The following CNTNAP5 variants were observed in gnomAD, a reference collection of about 807,000 sequenced individuals.
The protein encoded by CNTNAP5 is contactin-associated protein-like 5.
CNTNAP5 carries 72 observed loss-of-function variants against 150.2 expected under a neutral mutation model. That is an observed-to-expected ratio of 0.48 (90% CI 0.40 to 0.58). CNTNAP5 has a LOEUF of 0.58. Among genes scored for constraint, CNTNAP5 ranks in the 20% least tolerant of loss-of-function variants. The pLI, the probability that CNTNAP5 is intolerant of heterozygous loss-of-function variation, is 0.00. For missense variants in CNTNAP5, 1,636 were observed against 1,626.2 expected (o/e 1.01, Z -0.10); for synonymous variants, 672 against 619.8 (o/e 1.08, Z -1.25).
At chr2:124,647,652 A>C in intron 12 of CNTNAP5, 106 bp from the exon 13 acceptor site, 1 of 969,758 alleles carries the variant, frequency 1.0e-6, no homozygotes, top group Non-Finnish European at 1.5e-6. Context: ...ACGGTACCGG[A>C]GTGTTGATTA....
rs1172484897 is a variant in CNTNAP5 at position 124,524,360 on chromosome 2, G to A, written c.1385G>A (p.Arg462His). Residue 462 changes from arginine (R) to histidine (H), a missense_variant, in exon 9 of 24, where the codon CGC becomes CAC. Physicochemically the swap from Arg to His is conservative, Grantham distance 29. Coordinates refer to ENST00000682447, the MANE Select transcript of CNTNAP5 (RefSeq NM_001367498.1). ...HSVSINARRN[R>H]ITLTLDDEAA... ...GTTAGCATCAACGCCAGGAGGAACC[G>A]CATCACGCTCACTCTGGATGATGAA... is the stretch of plus-strand genomic sequence containing the variant. 4 of 1,613,756 alleles carry A rather than the reference G, an allele frequency of 2.5e-6. No homozygotes were observed. The highest frequency in any genetic ancestry group is 4.5e-5 in the East Asian group (2 of 44,832).
chr2:124,699,810 C>A (rs116417831), intron 13 of CNTNAP5, among the ~76,000 whole-genome samples: 1 of 122,476 alleles, frequency 8.2e-6, no homozygotes, highest in Non-Finnish European at 2.1e-5. Flanking sequence ...CTTTCTTTCT[C>A]TTTCTTTCTT....
At chr2:124,042,491 A>G (rs1348133777) in intron 1 of CNTNAP5, among the ~76,000 whole-genome samples, 2 of 152,150 alleles carry the variant, frequency 1.3e-5, no homozygotes, top group Non-Finnish European at 2.9e-5. Context: ...CAAGGATAAC[A>G]TGGAGGACAT....
At chr2:124,517,503 G>A (rs569887322) in intron 8 of CNTNAP5, among the ~76,000 whole-genome samples, 46 of 150,998 alleles carry the variant, frequency 3.0e-4, no homozygotes, top group African/African-American at 1.0e-3. Flanking sequence ...ATGGAGAGTT[G>A]TGGTTTTGAT....
chr2:124,458,886 T>C (rs185659905), intron 6 of CNTNAP5, among the ~76,000 whole-genome samples: 6 of 152,306 alleles, frequency 3.9e-5, no homozygotes, highest in Non-Finnish European at 5.9e-5. Context: ...TTTCAACTTA[T>C]ATTGTAAAGA....
chr2:124,288,378 A>T (rs1280181313), intron 3 of CNTNAP5, among the ~76,000 whole-genome samples: 3 of 152,190 alleles, frequency 2.0e-5, no homozygotes, highest in Non-Finnish European at 2.9e-5. Flanking sequence ...TAGTCAACAG[A>T]TTTTTATTGA....
chr2:124,611,899 A>G (rs974421830), intron 12 of CNTNAP5, among the ~76,000 whole-genome samples: 2 of 152,212 alleles, frequency 1.3e-5, no homozygotes, highest in African/African-American at 4.8e-5. Flanking sequence ...TCATCCTCAC[A>G]ACAAAAATCA....
rs115964226 is a variant in CNTNAP5 at position 124,441,387 on chromosome 2, A to G, written c.734-5366A>G. The stretch of plus-strand genomic sequence containing the variant: ...ACCCTAAAACACACAGAAAAGAAAA[A>G]AAAAATGATTATGATAAATGCATTC... On this transcript the variant is annotated intron_variant, in intron 5 of 23. Transcript: ENST00000682447. Among the ~76,000 whole-genome samples, 575 of 152,098 alleles carry G rather than the reference A, an allele frequency of 3.8e-3. 2 individuals are homozygous for G. The highest frequency in any genetic ancestry group is 0.013 in the African/African-American group (546 of 41,510).
chr2:124,688,400 C>G (rs1244315154), intron 13 of CNTNAP5, among the ~76,000 whole-genome samples: 1 of 151,928 alleles, frequency 6.6e-6, no homozygotes, highest in Non-Finnish European at 1.5e-5. Flanking sequence ...TAAATCGCTA[C>G]CACTTGAGGT....
At chr2:124,185,108 C>A (rs1465650080) in intron 1 of CNTNAP5, among the ~76,000 whole-genome samples, 1 of 152,194 alleles carries the variant, frequency 6.6e-6, no homozygotes, top group Non-Finnish European at 1.5e-5. Flanking sequence ...ATAAGGATAT[C>A]TGCACATATA....
At chr2:124,900,952 AG>A (rs1280132607) in intron 21 of CNTNAP5, among the ~76,000 whole-genome samples, 2 of 151,740 alleles carry the variant, frequency 1.3e-5, no homozygotes, top group Admixed American at 1.3e-4. Flanking sequence ...AGTCCATTAA[AG>A]TTTTTTGTGA....
chr2:124,060,794 G>A (rs1681989986), intron 1 of CNTNAP5, among the ~76,000 whole-genome samples: 2 of 152,188 alleles, frequency 1.3e-5, no homozygotes, highest in South Asian at 4.1e-4. Context: ...CAGGATGTCT[G>A]TCAGTCTCTC....
chr2:124,305,489 A>C (rs1688665155), intron 3 of CNTNAP5, among the ~76,000 whole-genome samples: 2 of 152,182 alleles, frequency 1.3e-5, no homozygotes, highest in African/African-American at 4.8e-5. Context: ...TATTTTGCTT[A>C]GTTATGTCAT....
chr2:124,819,524 A>G (rs1682440200), intron 19 of CNTNAP5, among the ~76,000 whole-genome samples: 1 of 152,144 alleles, frequency 6.6e-6, no homozygotes, highest in South Asian at 2.1e-4. Context: ...TGATGCTGTT[A>G]ATGGAGCACC....
chr2:124,706,795 A>G (rs867308422), intron 13 of CNTNAP5, among the ~76,000 whole-genome samples: 1,014 of 18,746 alleles, frequency 0.054, 68 homozygotes, highest in Non-Finnish European at 0.077. Flanking sequence ...GAAGAAGAAG[A>G]AGGAGGAGGA....
intron 17 of CNTNAP5, among the ~76,000 whole-genome samples, chr2:124,780,978 T>A (rs1044282742): frequency 6.6e-6 from 1 of 152,236 alleles, no homozygotes; most frequent in African/African-American, 2.4e-5. Context: ...CTTTTCCTAC[T>A]ATCTCACCCA....
rs1573878128 is a variant in CNTNAP5 at position 124,266,606 on chromosome 2, CAGG to C, written c.381+24219_381+24221del. ...GTTGTAACCCTCTCAGCCTCCCATG[CAGG>C]AGGAGTATTTTTCCTGATGCTTTCT... is the stretch of plus-strand genomic sequence containing the variant. On this transcript the variant is annotated intron_variant, in intron 3 of 23. Coordinates refer to ENST00000682447, the MANE Select transcript of CNTNAP5 (RefSeq NM_001367498.1). 5.3e-5 allele frequency among the ~76,000 whole-genome samples: 8 copies of C among 152,298 alleles called. 2 individuals carry two copies.
chr2:124,706,863 A>AG (rs1679665011), intron 13 of CNTNAP5, among the ~76,000 whole-genome samples: 2 of 126,846 alleles, frequency 1.6e-5, no homozygotes, highest in African/African-American at 6.3e-5. Flanking sequence ...GAGGAGAAGG[A>AG]GAAGGGGAAA....
chr2:124,658,039 A>G (rs1260436818), intron 13 of CNTNAP5, among the ~76,000 whole-genome samples: 1 of 152,120 alleles, frequency 6.6e-6, no homozygotes, highest in Non-Finnish European at 1.5e-5. Flanking sequence ...TTTATTCCCA[A>G]AATGCTTAGA....
Sources: gnomAD v4.1 joint callset for allele counts (sites outside exome capture counted in the v4.1 genomes callset) on GRCh38, gnomAD v4.1.1 for gene constraint, MANE v1.5 for transcripts, NCBI Gene and HGNC (gene_info 2026-07-23, HGNC 2026-07-21) for gene names.